The following RAPGEF6 variants were observed in gnomAD, a reference collection of about 807,000 sequenced individuals.
The protein encoded by RAPGEF6 is PDZ domain containing guanine nucleotide exchange factor (GEF) 2.
A neutral mutation model predicts 171.4 loss-of-function variants in RAPGEF6; 56 were observed. That is an observed-to-expected ratio of 0.33 (90% CI 0.26 to 0.41). The LOEUF (loss-of-function observed/expected upper bound fraction) is 0.41, where lower values mean the gene tolerates loss of function less well. Ranked by LOEUF, RAPGEF6 falls within the 10% of genes least tolerant of loss-of-function variation. The pLI is 1.00. For synonymous variants in RAPGEF6, 692 were observed against 650.1 expected (o/e 1.06, Z -0.98); for missense variants, 1,674 against 1,921.4 (o/e 0.87, Z 2.41).
intron 4 of RAPGEF6, among the ~76,000 whole-genome samples, chr5:131,591,057 T>C (rs1763557318): frequency 6.6e-6 from 1 of 152,212 alleles, no homozygotes; most frequent in South Asian, 2.1e-4. Flanking sequence ...ACTGGTCAAT[T>C]AGCACATTTC....
rs143685993 is a variant in RAPGEF6, at chr5:131,448,602, T to C, written c.3201-1899A>G. ...TTTTATCTTAGTTAATATAAAAAAGTAGGTGTTGACAAATCTAGGAGACAC... is the reference window on the plus strand; with the variant it reads ...TTTTATCTTAGTTAATATAAAAAAGCAGGTGTTGACAAATCTAGGAGACAC... On this transcript the variant is annotated intron_variant, in intron 21 of 27. Coordinates refer to ENST00000509018, the MANE Select transcript of RAPGEF6 (RefSeq NM_016340.6). Among the ~76,000 whole-genome samples, 571 of 152,274 alleles carry C rather than the reference T, an allele frequency of 3.7e-3. 4 individuals carry two copies. Among genetic ancestry groups the C allele is most frequent in the African/African-American group, 0.013 (541 of 41,554 alleles).
chr5:131,475,880 G>A (rs1755055829), intron 16 of RAPGEF6, among the ~76,000 whole-genome samples: 1 of 152,146 alleles, frequency 6.6e-6, no homozygotes, highest in Non-Finnish European at 1.5e-5. Context: ...ACAGAACTGA[G>A]TGCTGCTAAA....
At chr5:131,519,381 C>A (rs1758320206) in intron 7 of RAPGEF6, among the ~76,000 whole-genome samples, 2 of 152,046 alleles carry the variant, frequency 1.3e-5, no homozygotes, top group African/African-American at 4.8e-5. Flanking sequence ...CCCAGTGATA[C>A]CAGGTTCTTA....
At chr5:131,441,389 C>T (rs1223561787) in intron 23 of RAPGEF6, among the ~76,000 whole-genome samples, 3 of 152,228 alleles carry the variant, frequency 2.0e-5, no homozygotes, top group East Asian at 1.9e-4. Flanking sequence ...TTCCACTCAG[C>T]GTCAGCAAAG....
intron 6 of RAPGEF6, among the ~76,000 whole-genome samples, chr5:131,541,046 G>A (rs1302644953): frequency 2.6e-5 from 4 of 152,136 alleles, no homozygotes; most frequent in South Asian, 2.1e-4. Flanking sequence ...ATGAAACAAC[G>A]AACATTATAT....
intron 6 of RAPGEF6, among the ~76,000 whole-genome samples, chr5:131,535,560 T>C (rs1438665051): frequency 6.6e-6 from 1 of 152,168 alleles, no homozygotes; most frequent in Non-Finnish European, 1.5e-5. Flanking sequence ...TTCCCCTGCA[T>C]ATGAAATGCC....
intron 17 of RAPGEF6, among the ~76,000 whole-genome samples, chr5:131,470,991 C>A (rs547943876): frequency 3.9e-5 from 6 of 152,306 alleles, no homozygotes; most frequent in African/African-American, 1.4e-4. Flanking sequence ...AGTGACATTT[C>A]TTTTACGTGC....
chr5:131,560,827 T>C (rs913274229), intron 5 of RAPGEF6, among the ~76,000 whole-genome samples: 2 of 152,242 alleles, frequency 1.3e-5, no homozygotes, highest in African/African-American at 4.8e-5. Context: ...AGTGAGTTCA[T>C]GGTTATACAG....
chr5:131,428,734 T>C (rs1384246652), intron 27 of RAPGEF6, among the ~76,000 whole-genome samples, 168 bp downstream of exon 27: 1 of 152,134 alleles, frequency 6.6e-6, no homozygotes, highest in Non-Finnish European at 1.5e-5. Flanking sequence ...AGTGCTGGGA[T>C]TACAGGTGTG....
chr5:131,457,726 G>A (rs1753614560), intron 19 of RAPGEF6, among the ~76,000 whole-genome samples: 1 of 152,136 alleles, frequency 6.6e-6, no homozygotes, highest in African/African-American at 2.4e-5. Context: ...GTCAACTGCA[G>A]GACTTGAGTA....
chr5:131,476,527 T>C (rs1337180496), intron 16 of RAPGEF6, among the ~76,000 whole-genome samples: 1 of 152,152 alleles, frequency 6.6e-6, no homozygotes, highest in African/African-American at 2.4e-5. Flanking sequence ...TGGCACGAGC[T>C]TGGCTCGCCA....
chr5:131,473,594 C>T (rs907562538), intron 16 of RAPGEF6, among the ~76,000 whole-genome samples: 2 of 152,186 alleles, frequency 1.3e-5, no homozygotes, highest in African/African-American at 4.8e-5. Context: ...GTTGTACTTA[C>T]ATTAAAACCA....
chr5:131,611,892 T>C (rs141910255), intron 1 of RAPGEF6, among the ~76,000 whole-genome samples: 31 of 152,322 alleles, frequency 2.0e-4, no homozygotes, highest in African/African-American at 6.7e-4. Context: ...TCCCCCATTT[T>C]TTCATGCCTT....
chr5:131,586,630 T>TA (rs879628697), intron 4 of RAPGEF6, among the ~76,000 whole-genome samples: 171 of 145,514 alleles, frequency 1.2e-3, no homozygotes, highest in Middle Eastern at 0.011. Context: ...GACTCTATCT[T>TA]AAAAAAAAAA....
intron 1 of RAPGEF6, among the ~76,000 whole-genome samples, chr5:131,622,325 A>G (rs770028607): frequency 6.6e-6 from 1 of 152,230 alleles, no homozygotes; most frequent in Non-Finnish European, 1.5e-5. Context: ...CAAAGGGAAG[A>G]AGGAGGCAGG....
intron 11 of RAPGEF6, among the ~76,000 whole-genome samples, chr5:131,500,870 T>A (rs1220225120): frequency 6.7e-6 from 1 of 148,172 alleles, no homozygotes. Context: ...TACCATAAAG[T>A]CAGTGTTGTT....
At chr5:131,467,624 G>A (rs911704520) in intron 17 of RAPGEF6, among the ~76,000 whole-genome samples, 3 of 152,150 alleles carry the variant, frequency 2.0e-5, no homozygotes, top group African/African-American at 2.4e-5. Flanking sequence ...CAATATGTTC[G>A]AATAAAGTTG....
At chr5:131,613,571 G>C (rs757372873) in intron 1 of RAPGEF6, among the ~76,000 whole-genome samples, 2 of 152,008 alleles carry the variant, frequency 1.3e-5, no homozygotes, top group Non-Finnish European at 2.9e-5. Flanking sequence ...ATTTAGCTCT[G>C]CTTTTATAAT....
Position 131,477,935 on chromosome 5 carries a change from C to G in RAPGEF6, c.2081+1578G>C, listed in dbSNP as rs79934345. ...ACAGTGACTTCCAGTCATCCCCAACCATCCCTGACCTCTTCAGTGTGGGCT... is the reference window on the plus strand; with the variant it reads ...ACAGTGACTTCCAGTCATCCCCAACGATCCCTGACCTCTTCAGTGTGGGCT... On this transcript the variant is annotated intron_variant, in intron 16 of 27. Coordinates refer to ENST00000509018, the MANE Select transcript of RAPGEF6 (RefSeq NM_016340.6). 6.1e-3 allele frequency among the ~76,000 whole-genome samples: 922 copies of G among 152,286 alleles called. 6 individuals are homozygous for G. The highest frequency in any genetic ancestry group is 0.021 in the African/African-American group (873 of 41,542).
Sources: gnomAD v4.1 joint callset for allele counts (sites outside exome capture counted in the v4.1 genomes callset) on GRCh38, gnomAD v4.1.1 for gene constraint, MANE v1.5 for transcripts, NCBI Gene and HGNC (gene_info 2026-07-23, HGNC 2026-07-21) for gene names.